The following MARCHF1 variants were observed in gnomAD, a reference collection of about 807,000 sequenced individuals.
The protein encoded by MARCHF1 is membrane associated ring-CH-type finger 1, also known as E3 ubiquitin-protein ligase MARCHF1.
A neutral mutation model predicts 54.2 loss-of-function variants in MARCHF1; 40 were observed. The ratio of observed to expected loss-of-function variants is 0.74; its 90% confidence interval spans 0.57 to 0.96. MARCHF1 has a LOEUF of 0.96. Among genes scored for constraint, MARCHF1 ranks in the 40% least tolerant of loss-of-function variants. The pLI is 0.00. For synonymous variants in MARCHF1, 236 were observed against 236.3 expected (o/e 1.00, Z 0.01); for missense variants, 586 against 656.5 (o/e 0.89, Z 1.17).
intron 3 of MARCHF1, among the ~76,000 whole-genome samples, chr4:163,958,090 T>C (rs1472705428): frequency 6.6e-6 from 1 of 152,052 alleles, no homozygotes; most frequent in African/African-American, 2.4e-5. Context: ...CTTCAGCCAT[T>C]CTTGCTAGAA....
At chr4:163,774,190 A>G (rs955086305) in intron 4 of MARCHF1, among the ~76,000 whole-genome samples, 2 of 152,196 alleles carry the variant, frequency 1.3e-5, no homozygotes, top group Admixed American at 1.3e-4. Flanking sequence ...ATTACTTAAA[A>G]TACCTAAACA....
At chr4:164,079,536 C>A (rs2111109536) in intron 2 of MARCHF1, among the ~76,000 whole-genome samples, 2 of 152,162 alleles carry the variant, frequency 1.3e-5, no homozygotes, top group Middle Eastern at 6.8e-3. Flanking sequence ...AGTTCGTATA[C>A]AATTGATACC....
intron 7 of MARCHF1, among the ~76,000 whole-genome samples, chr4:163,599,393 CA>C (rs1245063095): frequency 6.8e-5 from 10 of 147,052 alleles, no homozygotes; most frequent in Non-Finnish European, 1.5e-4. Context: ...CACATATATA[CA>C]GTCTGTCCTT....
intron 4 of MARCHF1, among the ~76,000 whole-genome samples, chr4:163,754,901 A>G (rs564102449): frequency 6.6e-6 from 1 of 152,276 alleles, no homozygotes; most frequent in Non-Finnish European, 1.5e-5. Flanking sequence ...TGAAGAGGGG[A>G]GAAGGAAGCA....
At chr4:164,088,285 G>A (rs1038947402) in intron 2 of MARCHF1, among the ~76,000 whole-genome samples, 1 of 152,138 alleles carries the variant, frequency 6.6e-6, no homozygotes, top group Admixed American at 6.5e-5. Flanking sequence ...GTTCCCATGA[G>A]AAGTAAAGTT....
chr4:163,921,864 TA>T (rs910963967), intron 3 of MARCHF1, among the ~76,000 whole-genome samples: 1 of 151,996 alleles, frequency 6.6e-6, no homozygotes. Flanking sequence ...TATACAGTAT[TA>T]AAAAAATATA....
chr4:163,967,623 G>A (rs954096198), intron 3 of MARCHF1, among the ~76,000 whole-genome samples: 4 of 152,094 alleles, frequency 2.6e-5, no homozygotes, highest in African/African-American at 9.7e-5. Flanking sequence ...GGCTGTCTTA[G>A]TCAGGGCTCT....
intron 4 of MARCHF1, among the ~76,000 whole-genome samples, chr4:163,771,674 A>AT (rs1353202319): frequency 1.3e-5 from 2 of 152,170 alleles, no homozygotes; most frequent in African/African-American, 4.8e-5. Context: ...CAGCACATGA[A>AT]TTTTAGGAAG....
At chr4:163,963,944 C>G (rs971981881) in intron 3 of MARCHF1, among the ~76,000 whole-genome samples, 1 of 151,926 alleles carries the variant, frequency 6.6e-6, no homozygotes, top group Non-Finnish European at 1.5e-5. Flanking sequence ...TATGCAAGAA[C>G]TTCTCAGCTG....
intron 5 of MARCHF1, among the ~76,000 whole-genome samples, chr4:163,688,708 A>G (rs1331155944): frequency 1.3e-5 from 2 of 152,140 alleles, no homozygotes; most frequent in Non-Finnish European, 2.9e-5. Context: ...GACGGAGAAA[A>G]TAATGATTGC....
chr4:163,977,382 C>T (rs575990955), intron 3 of MARCHF1, among the ~76,000 whole-genome samples: 84 of 152,216 alleles, frequency 5.5e-4, no homozygotes, highest in African/African-American at 1.8e-3. Context: ...AAATGACCAC[C>T]TCCCTTGTTG....
chr4:163,836,549 T>TG (rs1749191230), intron 4 of MARCHF1, among the ~76,000 whole-genome samples: 2 of 6,308 alleles, frequency 3.2e-4, no homozygotes, highest in Non-Finnish European at 5.9e-3. Flanking sequence ...CCGGCTAATT[T>TG]ATTTTTTGAT....
At chr4:163,655,300 T>C (rs907729789) in intron 5 of MARCHF1, among the ~76,000 whole-genome samples, 1 of 151,746 alleles carries the variant, frequency 6.6e-6, no homozygotes, top group African/African-American at 2.4e-5. Context: ...AAAGTTCTTT[T>C]AGTGATAATC....
chr4:164,106,260 T>C (rs2111170270), intron 2 of MARCHF1, among the ~76,000 whole-genome samples: 1 of 121,956 alleles, frequency 8.2e-6, no homozygotes, highest in East Asian at 2.1e-4. Flanking sequence ...GCCATCCCAT[T>C]ACTGGGTATA....
intron 7 of MARCHF1, among the ~76,000 whole-genome samples, chr4:163,604,654 T>C (rs78522476): frequency 0.094 from 14,227 of 152,114 alleles, 956 homozygotes; most frequent in East Asian, 0.32. Flanking sequence ...TTCTTTTTGT[T>C]GTTAGAACAA....
rs543953018 is a variant in MARCHF1 at position 163,576,447 on chromosome 4, G to T, written c.1191+9302C>A. Reference sequence around the variant, plus strand: ...TTTTTTTGAGTTTATTGAGACTTCTGCTTTATGGCTCAGCATGTAGTTGAT... The same window carrying T: ...TTTTTTTGAGTTTATTGAGACTTCTTCTTTATGGCTCAGCATGTAGTTGAT... On this transcript the variant is annotated intron_variant, in intron 8 of 9. Transcript: ENST00000514618. Among the ~76,000 whole-genome samples, 24 of 152,122 alleles carry T rather than the reference G, an allele frequency of 1.6e-4. 1 individual carries two copies. Among genetic ancestry groups the T allele is most frequent in the African/African-American group, 5.3e-4 (22 of 41,516 alleles).
At chr4:163,536,028 TA>T (rs1462969678) in intron 9 of MARCHF1, among the ~76,000 whole-genome samples, 2 of 152,168 alleles carry the variant, frequency 1.3e-5, no homozygotes, top group Non-Finnish European at 2.9e-5. Flanking sequence ...ATAATGTCCA[TA>T]GTGCTGAGGT....
At chr4:164,071,017 T>A (rs1754852391) in intron 2 of MARCHF1, among the ~76,000 whole-genome samples, 1 of 152,208 alleles carries the variant, frequency 6.6e-6, no homozygotes, top group African/African-American at 2.4e-5. Flanking sequence ...AAAGAGCCTT[T>A]CGCCTCCCAC....
At chr4:164,341,515 T>C (rs1729928054) in intron 1 of MARCHF1, among the ~76,000 whole-genome samples, 2 of 152,206 alleles carry the variant, frequency 1.3e-5, no homozygotes, top group African/African-American at 4.8e-5. Flanking sequence ...ATAAACTGGG[T>C]AGCTTAAAAA....
Sources: gnomAD v4.1 joint callset for allele counts (sites outside exome capture counted in the v4.1 genomes callset) on GRCh38, gnomAD v4.1.1 for gene constraint, MANE v1.5 for transcripts, NCBI Gene and HGNC (gene_info 2026-07-23, HGNC 2026-07-21) for gene names.